The following SLC35D4 variants were observed in gnomAD, a reference collection of about 807,000 sequenced individuals.
SLC35D4 encodes solute carrier family 35 member D4, also known as UDP-N-acetylglucosamine transporter SLC35D4.
the SLC35D4 span, among the ~76,000 whole-genome samples, chr18:23,418,349 AATTATTATTATT>A: frequency 7.0e-5 from 10 of 142,584 alleles, no homozygotes; most frequent in South Asian, 2.3e-4. Context: ...GAGAAGCCAA[AATTATTATTATT>A]ATTATTATTA....
At chr18:23,430,487 A>C in the SLC35D4 span, 1 of 601,626 alleles carries the variant, frequency 1.7e-6, no homozygotes, top group Middle Eastern at 4.4e-4. Flanking sequence ...ATAGAACATA[A>C]ATGTCTGTTA....
chr18:23,362,618 AAACAAAAAACAAACAAAG>A, the SLC35D4 span, among the ~76,000 whole-genome samples: 1 of 152,034 alleles, frequency 6.6e-6, no homozygotes, highest in Non-Finnish European at 1.5e-5. Context: ...AACAAACAAA[AAACAAAAAACAAACAAAG>A]AAAGGCAATA....
the SLC35D4 span, among the ~76,000 whole-genome samples, chr18:23,416,804 G>A: frequency 3.3e-5 from 5 of 152,228 alleles, no homozygotes; most frequent in Admixed American, 6.5e-5. Flanking sequence ...TCCGAGATAC[G>A]TAGAACCTAG....
the SLC35D4 span, among the ~76,000 whole-genome samples, chr18:23,246,666 T>C: frequency 0.038 from 5,718 of 151,714 alleles, 154 homozygotes; most frequent in Non-Finnish European, 0.041. Context: ...GCTGGGATTA[T>C]ATGCTTGAGC....
the SLC35D4 span, among the ~76,000 whole-genome samples, chr18:23,321,356 A>T: frequency 4.6e-5 from 7 of 152,162 alleles, no homozygotes; most frequent in African/African-American, 1.7e-4. Context: ...TATACGTGCA[A>T]AAACAGACCC....
At chr18:23,275,857 C>T in the SLC35D4 span, among the ~76,000 whole-genome samples, 1 of 152,138 alleles carries the variant, frequency 6.6e-6, no homozygotes, top group African/African-American at 2.4e-5. Context: ...GAACAGATGT[C>T]GTGTGACTCC....
chr18:23,358,456 A>G, the SLC35D4 span, among the ~76,000 whole-genome samples: 1 of 151,842 alleles, frequency 6.6e-6, no homozygotes, highest in African/African-American at 2.4e-5. Context: ...AAGAAAGAAA[A>G]AAAAACACAG....
the SLC35D4 span, among the ~76,000 whole-genome samples, chr18:23,433,493 GGAA>G: frequency 2.6e-5 from 4 of 152,164 alleles, no homozygotes; most frequent in African/African-American, 9.7e-5. Context: ...TGCTATGAGG[GGAA>G]GAAGGACAGC....
At chr18:23,415,050 T>A in the SLC35D4 span, among the ~76,000 whole-genome samples, 8 of 152,302 alleles carry the variant, frequency 5.3e-5, no homozygotes, top group African/African-American at 1.9e-4. Flanking sequence ...AGTTGCAGGC[T>A]ACAGTAAGCC....
At chr18:23,427,763 C>G in the SLC35D4 span, among the ~76,000 whole-genome samples, 18 of 152,248 alleles carry the variant, frequency 1.2e-4, no homozygotes, top group African/African-American at 4.3e-4. Context: ...AGACTTGGAA[C>G]CAACCCAAAT....
At chr18:23,437,877 G>A in the SLC35D4 span, 5 of 1,602,350 alleles carry the variant, frequency 3.1e-6, no homozygotes, top group Non-Finnish European at 3.4e-6. Context: ...CCTTCTCGGG[G>A]ATCCACGGTG....
chr18:23,401,369 TA>T, the SLC35D4 span, among the ~76,000 whole-genome samples: 1 of 152,344 alleles, frequency 6.6e-6, no homozygotes, highest in African/African-American at 2.4e-5. Context: ...AACACTCAGA[TA>T]ATTGACCAAG....
At chr18:23,309,798 T>A in the SLC35D4 span, 1 of 1,540,062 alleles carries the variant, frequency 6.5e-7, no homozygotes, top group Non-Finnish European at 9.0e-7. Flanking sequence ...TCTGGAAACC[T>A]CCAATGTCAT....
chr18:23,432,409 G>A, the SLC35D4 span, among the ~76,000 whole-genome samples: 2 of 152,142 alleles, frequency 1.3e-5, no homozygotes, highest in African/African-American at 2.4e-5. Flanking sequence ...AGCCCCATGC[G>A]CGGTGGCTCA....
At chr18:23,257,420 CACTT>C in the SLC35D4 span, 18 of 1,518,710 alleles carry the variant, frequency 1.2e-5, no homozygotes, top group Admixed American at 1.2e-4. Flanking sequence ...GGTGGAGCAG[CACTT>C]ACTTACTACT....
chr18:23,276,684 C>T, the SLC35D4 span, among the ~76,000 whole-genome samples: 1 of 152,210 alleles, frequency 6.6e-6, no homozygotes, highest in Non-Finnish European at 1.5e-5. Flanking sequence ...CTGGCACATA[C>T]CGCCAAGTCA....
chr18:23,348,974 G>T, the SLC35D4 span, among the ~76,000 whole-genome samples: 1 of 152,120 alleles, frequency 6.6e-6, no homozygotes, highest in Non-Finnish European at 1.5e-5. Context: ...TTTTCTTTCA[G>T]CATGTTGAAT....
At chr18:23,338,462 T>C in the SLC35D4 span, among the ~76,000 whole-genome samples, 1 of 152,184 alleles carries the variant, frequency 6.6e-6, no homozygotes. Flanking sequence ...GCTCTCTACA[T>C]ATTATTTAAT....
At chr18:23,358,393 G>A in the SLC35D4 span, among the ~76,000 whole-genome samples, 7 of 152,058 alleles carry the variant, frequency 4.6e-5, no homozygotes, top group Non-Finnish European at 1.0e-4. Flanking sequence ...GGCTTTGGAG[G>A]GGGTCTAAAG....
Sources: gnomAD v4.1 joint callset for allele counts (sites outside exome capture counted in the v4.1 genomes callset) on GRCh38, gnomAD v4.1.1 for gene constraint, MANE v1.5 for transcripts, NCBI Gene and HGNC (gene_info 2026-07-23, HGNC 2026-07-21) for gene names.